The following UNC79 variants were observed in gnomAD, a reference collection of about 807,000 sequenced individuals.
UNC79 encodes protein unc-79 homolog.
In UNC79, 37 loss-of-function variants were observed where a neutral mutation model predicts 283.1. The observed-to-expected ratio is 0.13, with a 90% confidence interval of 0.10 to 0.17. UNC79 has a LOEUF of 0.17. Among genes scored for constraint, UNC79 ranks in the 10% least tolerant of loss-of-function variants. The probability of loss-of-function intolerance (pLI) is 1.00; values close to 1 mark genes in which losing one functional copy is unlikely to be tolerated. For synonymous variants in UNC79, 1,107 were observed against 1,200.2 expected (o/e 0.92, Z 1.61); for missense variants, 2,272 against 3,211.1 (o/e 0.71, Z 7.07).
intron 30 of UNC79, among the ~76,000 whole-genome samples, chr14:93,627,619 C>T (rs567456511): frequency 3.3e-5 from 5 of 152,260 alleles, no homozygotes; most frequent in Non-Finnish European, 5.9e-5. Context: ...CCATGTTATT[C>T]TTGCAAACAT....
intron 1 of UNC79, among the ~76,000 whole-genome samples, chr14:93,450,687 A>T (rs947927907): frequency 6.6e-6 from 1 of 152,206 alleles, no homozygotes; most frequent in African/African-American, 2.4e-5. Flanking sequence ...TACTAAAAAA[A>T]TTTAAAAATC....
At chr14:93,590,765 A>T (rs2064609308) in intron 22 of UNC79, among the ~76,000 whole-genome samples, 3 of 152,208 alleles carry the variant, frequency 2.0e-5, no homozygotes, top group Admixed American at 6.5e-5. Flanking sequence ...GGAAAGGCGA[A>T]TGGGACTGGC....
At chr14:93,509,834 G>A (rs532639511) in intron 7 of UNC79, among the ~76,000 whole-genome samples, 35 of 152,236 alleles carry the variant, frequency 2.3e-4, no homozygotes, top group African/African-American at 8.4e-4. Context: ...GGGGGACAGT[G>A]GACCTCTTCT....
chr14:93,674,695 G>A (rs74073869), intron 41 of UNC79, among the ~76,000 whole-genome samples: 4,027 of 152,298 alleles, frequency 0.026, 193 homozygotes, highest in African/African-American at 0.092. Flanking sequence ...TGAATTCTAA[G>A]TACTCATTTT....
At chr14:93,483,902 G>A (rs957824954) in intron 4 of UNC79, among the ~76,000 whole-genome samples, 3 of 152,134 alleles carry the variant, frequency 2.0e-5, no homozygotes, top group African/African-American at 7.2e-5. Flanking sequence ...GTATTCCATG[G>A]TGTATATGTG....
At position 93,704,752 on chromosome 14, in the gene UNC79, T is replaced by C. The variant is rs886534874; in HGVS notation, c.7590+86T>C. Reference sequence around the variant, plus strand: ...TAGGGATTGTTGATGCTCCATTTACTATGGAGAAGGATGAATTCAACCTGC... The same window carrying C: ...TAGGGATTGTTGATGCTCCATTTACCATGGAGAAGGATGAATTCAACCTGC... On this transcript the variant is annotated intron_variant, in intron 48 of 48. Coordinates refer to ENST00000555664, the Ensembl canonical transcript of UNC79. 4.7e-6 allele frequency: 7 copies of C among 1,493,700 alleles called. No homozygotes were observed. In the African/African-American group the frequency reaches 6.9e-5, roughly 15 times the overall value. The allele number at this position is 1,493,700 out of a possible 1,614,324, so 92.5% of individuals were successfully genotyped here.
intron 1 of UNC79, among the ~76,000 whole-genome samples, chr14:93,414,218 A>G (rs2055401685): frequency 6.6e-6 from 1 of 152,152 alleles, no homozygotes; most frequent in Admixed American, 6.5e-5. Flanking sequence ...GGTGTAAGGA[A>G]GGGATCCAGT....
chr14:93,627,628 A>G (rs1286691105), intron 30 of UNC79, among the ~76,000 whole-genome samples: 3 of 152,182 alleles, frequency 2.0e-5, no homozygotes, highest in Non-Finnish European at 4.4e-5. Flanking sequence ...TCTTGCAAAC[A>G]TTCTGTCAGC....
At chr14:93,543,856 G>T (rs925344908) in intron 14 of UNC79, among the ~76,000 whole-genome samples, 2 of 152,148 alleles carry the variant, frequency 1.3e-5, no homozygotes, top group Admixed American at 6.5e-5. Context: ...GCTAAAGTAG[G>T]ACATTTAAGG....
intron 1 of UNC79, among the ~76,000 whole-genome samples, chr14:93,354,051 C>T (rs1429788296): frequency 6.6e-6 from 1 of 151,930 alleles, no homozygotes; most frequent in Non-Finnish European, 1.5e-5. Context: ...TTTAAGTTGA[C>T]CTGAACGATA....
intron 1 of UNC79, chr14:93,348,451 C>T: frequency 4.1e-6 from 1 of 245,202 alleles, no homozygotes; most frequent in Non-Finnish European, 7.8e-6. Context: ...CAGGGAGTGA[C>T]ATTGTTACTA....
chr14:93,595,424 A>G (rs2065004866), intron 23 of UNC79, among the ~76,000 whole-genome samples: 1 of 152,030 alleles, frequency 6.6e-6, no homozygotes, highest in Admixed American at 6.6e-5. Flanking sequence ...AGAAATTTTA[A>G]TGGGGTTTTT....
intron 13 of UNC79, among the ~76,000 whole-genome samples, chr14:93,541,776 C>T (rs904392227): frequency 6.6e-6 from 1 of 152,026 alleles, no homozygotes; most frequent in Non-Finnish European, 1.5e-5. Flanking sequence ...GAGGCCAAGA[C>T]GGGCAGATCA....
intron 14 of UNC79, 69 bp downstream of exon 14, chr14:93,542,765 T>C: frequency 6.7e-7 from 1 of 1,499,600 alleles, no homozygotes; most frequent in South Asian, 1.1e-5. Context: ...GCCTTAGCCA[T>C]GTGGGTATTA....
rs145016817 is a variant in UNC79 at position 93,418,968 on chromosome 14, C to T, written c.-350-48703C>T. Among the ~76,000 whole-genome samples, 1,212 of 151,942 alleles carry T rather than the reference C, an allele frequency of 8.0e-3. 40 individuals are homozygous for T. The highest frequency in any genetic ancestry group is 0.052 in the Middle Eastern group (15 of 290). On this transcript the variant is annotated intron_variant, in intron 1 of 49. Coordinates refer to the UNC79 transcript ENST00000256339. The stretch of plus-strand genomic sequence containing the variant: ...GGAAAGGGAACTCCCTGACCCCTTG[C>T]GTTTCCCGAGTGAGGCAATGCATCG...
chr14:93,474,469 G>A lies in UNC79; in HGVS notation c.448+76G>A, dbSNP rs2057688941. The A allele has an allele frequency of 1.0e-5, 15 of 1,458,280 alleles. No homozygotes were observed. Among genetic ancestry groups the A allele is most frequent in the Middle Eastern group, 1.9e-4 (1 of 5,198 alleles). The allele number at this position is 1,458,280 out of a possible 1,614,324, so 90.3% of individuals were successfully genotyped here. A position where few individuals can be genotyped will look rare whatever the true frequency, so the allele number is the denominator to read the frequency against. The stretch of plus-strand genomic sequence containing the variant: ...TATATGATGCTGAGCAAGGGGCTTG[G>A]AGATGGTCACTGTTGTAATCAATCA... On this transcript the variant is annotated intron_variant, in intron 3 of 48. Transcript: ENST00000555664. The surrounding 1 kb of genome is among the most constrained non-coding windows in gnomAD (Gnocchi z 4.1).
intron 38 of UNC79, among the ~76,000 whole-genome samples, chr14:93,657,420 C>T (rs1484165070): frequency 6.7e-6 from 1 of 150,352 alleles, no homozygotes; most frequent in Non-Finnish European, 1.5e-5. Flanking sequence ...GGCACAATCT[C>T]GGCTCACTGC....
chr14:93,622,906 T>C (rs2067243478), intron 30 of UNC79, 65 bp downstream of exon 32: 1 of 1,555,122 alleles, frequency 6.4e-7, no homozygotes, highest in African/African-American at 1.4e-5. Flanking sequence ...TTTGATAGGG[T>C]ACCGGCACTG....
intron 47 of UNC79, among the ~76,000 whole-genome samples, chr14:93,697,520 A>T (rs2075231940): frequency 6.6e-6 from 1 of 152,176 alleles, no homozygotes; most frequent in Non-Finnish European, 1.5e-5. Flanking sequence ...TCAGCCTTCT[A>T]AATTCATTCA....
Sources: gnomAD v4.1 joint callset for allele counts (sites outside exome capture counted in the v4.1 genomes callset) on GRCh38, gnomAD v4.1.1 for gene constraint, Gnocchi (gnomAD v3.1) non-coding constraint, MANE v1.5 for transcripts, NCBI Gene and HGNC (gene_info 2026-07-23, HGNC 2026-07-21) for gene names.